Variants in TTC17 observed in about 807,000 individuals in gnomAD.
TTC17 encodes the protein tetratricopeptide repeat protein 17.
Under a neutral mutation model 143.8 loss-of-function variants are expected in TTC17, and 58 were observed. The observed-to-expected ratio is 0.40, with a 90% CI of 0.33 to 0.50. The LOEUF is 0.50. Among genes scored for constraint, TTC17 ranks in the 20% least tolerant of loss-of-function variants. The probability of loss-of-function intolerance (pLI) is 0.49; values close to 1 mark genes in which losing one functional copy is unlikely to be tolerated. For missense variants in TTC17, 1,273 were observed against 1,392.5 expected (o/e 0.91, Z 1.37); for synonymous variants, 501 against 497.8 (o/e 1.01, Z -0.09).
chr11:43,445,957 G>A (rs746226246), intron 18 of TTC17: 4 of 1,461,148 alleles, frequency 2.7e-6, no homozygotes, highest in Non-Finnish European at 3.7e-6. Flanking sequence ...GACCAGGAAA[G>A]TGCCATAGAC....
intron 16 of TTC17, among the ~76,000 whole-genome samples, chr11:43,432,784 C>A (rs760354421): frequency 1.3e-5 from 2 of 152,096 alleles, no homozygotes; most frequent in Non-Finnish European, 2.9e-5. Context: ...ACAAAGGCAA[C>A]TTTTTTTAGT....
intron 2 of TTC17, among the ~76,000 whole-genome samples, chr11:43,388,896 A>G (rs1857271409): frequency 6.6e-6 from 1 of 151,584 alleles, no homozygotes; most frequent in African/African-American, 2.4e-5. Context: ...GGATCCCCTG[A>G]GCCCTGGAGT....
intron 21 of TTC17, among the ~76,000 whole-genome samples, chr11:43,460,002 C>T (rs184288625): frequency 6.6e-6 from 1 of 152,214 alleles, no homozygotes; most frequent in Non-Finnish European, 1.5e-5. Flanking sequence ...AAGACATAAC[C>T]CCATTGTAAG....
intron 1 of TTC17, among the ~76,000 whole-genome samples, chr11:43,374,924 G>C (rs532493717): frequency 7.9e-5 from 12 of 152,252 alleles, no homozygotes; most frequent in Non-Finnish European, 1.3e-4. Flanking sequence ...AGAAAAATAA[G>C]AGCCACAGTA....
intron 16 of TTC17, among the ~76,000 whole-genome samples, chr11:43,430,187 G>A (rs1015154417): frequency 1.3e-5 from 2 of 152,176 alleles, no homozygotes; most frequent in African/African-American, 2.4e-5. Context: ...CAGCACTTTG[G>A]GAGGCCAAAG....
Position 43,359,005 on chromosome 11 carries a change from C to A in TTC17, c.51C>A (p.Ser17=). The change falls in exon 1 of 24, where the codon TCC becomes TCA. Residue 17 remains serine, a synonymous_variant. Transcript: ENST00000039989. ...VRGRYELPPC[S]GPGWLLSLSA... is the part of the protein sequence containing the mutation. ...GCCGGTACGAGCTGCCGCCTTGCTC[C>A]GGCCCAGGCTGGCTCCTCAGCCTTT... 1.3e-6 allele frequency: 2 copies of A among 1,586,072 alleles called. No homozygotes were observed. Among genetic ancestry groups the A allele is most frequent in the Non-Finnish European group, 1.7e-6 (2 of 1,166,884 alleles).
At chr11:43,473,597 G>T (rs74763237) in intron 21 of TTC17, among the ~76,000 whole-genome samples, 42 of 152,184 alleles carry the variant, frequency 2.8e-4, no homozygotes, top group African/African-American at 1.0e-3. Flanking sequence ...GAAATGGGCC[G>T]GGCACAGTAG....
chr11:43,431,695 A>G (rs1947162663), intron 16 of TTC17, among the ~76,000 whole-genome samples: 1 of 152,244 alleles, frequency 6.6e-6, no homozygotes, highest in Non-Finnish European at 1.5e-5. Context: ...AACCTAATGA[A>G]ATGGATATTA....
chr11:43,461,276 C>T (rs921693699), intron 21 of TTC17, among the ~76,000 whole-genome samples: 23 of 149,662 alleles, frequency 1.5e-4, no homozygotes, highest in African/African-American at 5.4e-4. Flanking sequence ...CCCGGCTACT[C>T]GGGAGGCTGA....
chr11:43,359,835 A>G (rs765229077), intron 1 of TTC17, among the ~76,000 whole-genome samples: 1 of 152,114 alleles, frequency 6.6e-6, no homozygotes, highest in Non-Finnish European at 1.5e-5. Flanking sequence ...AGGATATGCG[A>G]TTTCCTGGAT....
At chr11:43,493,121 T>C (rs1439957684) in intron 23 of TTC17, among the ~76,000 whole-genome samples, 2 of 152,232 alleles carry the variant, frequency 1.3e-5, no homozygotes, top group African/African-American at 2.4e-5. Context: ...AGGACTTATG[T>C]CTCTCATTTG....
intron 2 of TTC17, among the ~76,000 whole-genome samples, chr11:43,385,303 T>C (rs1272489684): frequency 6.6e-6 from 1 of 152,178 alleles, no homozygotes; most frequent in Non-Finnish European, 1.5e-5. Flanking sequence ...TTTACCAGAA[T>C]TGACCACTGC....
chr11:43,362,887 A>G (rs1314151752), intron 1 of TTC17, among the ~76,000 whole-genome samples: 1 of 152,298 alleles, frequency 6.6e-6, no homozygotes, highest in African/African-American at 2.4e-5. Flanking sequence ...GGATGTGGAG[A>G]GAACATTCCA....
At chr11:43,391,617 GTTCT>G in intron 4 of TTC17, 41 bp downstream of exon 4, 1 of 989,700 alleles carries the variant, frequency 1.0e-6, no homozygotes, top group Non-Finnish European at 1.4e-6. Context: ...TTTGCGTTGC[GTTCT>G]TCTTTCAGTT....
chr11:43,364,106 G>C (rs1267424908), intron 1 of TTC17, among the ~76,000 whole-genome samples: 1 of 145,306 alleles, frequency 6.9e-6, no homozygotes, highest in Non-Finnish European at 1.5e-5. Flanking sequence ...ACCCAGGCTG[G>C]AGTGCAGTGG....
At chr11:43,426,291 AC>A (rs1275730144) in intron 16 of TTC17, among the ~76,000 whole-genome samples, 2 of 152,382 alleles carry the variant, frequency 1.3e-5, no homozygotes, top group Admixed American at 1.3e-4. Context: ...CCATGTTATT[AC>A]CTGCAAAGTG....
intron 2 of TTC17, among the ~76,000 whole-genome samples, chr11:43,384,165 A>G (rs549564906): frequency 7.0e-4 from 106 of 151,948 alleles, no homozygotes; most frequent in Middle Eastern, 3.4e-3. Context: ...AAAGAAATCT[A>G]TAGTTACCAA....
chr11:43,396,860 C>G, intron 6 of TTC17, 42 bp downstream of exon 6: 1 of 1,286,956 alleles, frequency 7.8e-7, no homozygotes, highest in Non-Finnish European at 1.1e-6. Context: ...CCACATTCCT[C>G]AGGACTGTTA....
chr11:43,401,248 G>T (rs958438894), intron 9 of TTC17, among the ~76,000 whole-genome samples, 198 bp from the exon 10 acceptor site: 2 of 152,160 alleles, frequency 1.3e-5, no homozygotes, highest in Admixed American at 1.3e-4. Flanking sequence ...GTTTTTGTAG[G>T]TGGAAAAACT....
Sources: allele counts gnomAD v4.1 joint callset (sites outside exome capture counted in the v4.1 genomes callset), GRCh38; gene constraint gnomAD v4.1.1; transcripts MANE v1.5; gene names NCBI Gene and HGNC (gene_info 2026-07-23, HGNC 2026-07-21).